Variants in TIAM2 observed in about 807,000 individuals in gnomAD.
TIAM2 encodes the protein rho guanine nucleotide exchange factor TIAM2.
In TIAM2, 80 loss-of-function variants were observed where a neutral mutation model predicts 152.9. The ratio of observed to expected loss-of-function variants is 0.52; its 90% CI spans 0.44 to 0.63. The LOEUF (loss-of-function observed/expected upper bound fraction) is 0.63. Among genes scored for constraint, TIAM2 ranks in the 30% least tolerant of loss-of-function variants. The pLI is 0.00. For synonymous variants in TIAM2, 804 were observed against 838.0 expected, an observed-to-expected ratio of 0.96 and a Z score of 0.70; for missense variants, 1,965 against 2,120.1, an observed-to-expected ratio of 0.93 and a Z score of 1.44.
At chr6:155,211,366 C>A (rs1781713415) in intron 15 of TIAM2, 59 bp downstream of exon 15, 1 of 1,443,844 alleles carries the variant, frequency 6.9e-7, no homozygotes, top group Non-Finnish European at 9.7e-7. Context: ...TAGTTCCCAC[C>A]TTTACCTAAG....
chr6:155,099,686 C>T (rs536975420), intron 2 of TIAM2, among the ~76,000 whole-genome samples: 6 of 152,120 alleles, frequency 3.9e-5, no homozygotes, highest in Non-Finnish European at 7.4e-5. Context: ...GTTTTCTGTT[C>T]ATTTGTTTGT....
intron 16 of TIAM2, among the ~76,000 whole-genome samples, chr6:155,242,338 C>T (rs910604943): frequency 6.6e-6 from 1 of 152,232 alleles, no homozygotes; most frequent in Non-Finnish European, 1.5e-5. Flanking sequence ...ACGTTTAACA[C>T]AGAATCTTGT....
intron 26 of TIAM2, 150 bp from the exon 27 acceptor site, chr6:155,256,334 A>G: frequency 3.5e-6 from 4 of 1,153,442 alleles, no homozygotes; most frequent in South Asian, 1.6e-5. Context: ...CAGTAGCTAC[A>G]TTTTTGCCTA....
intron 10 of TIAM2, among the ~76,000 whole-genome samples, chr6:155,177,395 T>A (rs1338691963): frequency 1.3e-5 from 2 of 152,242 alleles, no homozygotes; most frequent in East Asian, 3.8e-4. Context: ...CTTGATATAT[T>A]CACAGTTGCT....
chr6:155,243,883 T>G, intron 16 of TIAM2, 128 bp from the exon 17 acceptor site: 1 of 331,506 alleles, frequency 3.0e-6, no homozygotes, highest in Non-Finnish European at 5.6e-6. Context: ...AAAAAGAATT[T>G]CAACAAGGCA....
intron 14 of TIAM2, among the ~76,000 whole-genome samples, chr6:155,192,113 G>T (rs528441653): frequency 2.0e-5 from 3 of 152,076 alleles, no homozygotes; most frequent in Non-Finnish European, 4.4e-5. Flanking sequence ...ATGTGATGAG[G>T]GAGGGAGAGA....
chr6:155,028,150 TTACA>T (rs1258202686), intron 1 of TIAM2, among the ~76,000 whole-genome samples: 6 of 109,008 alleles, frequency 5.5e-5, no homozygotes, highest in African/African-American at 2.0e-4. Flanking sequence ...ATATGTACTG[TTACA>T]TATATACTAC....
intron 2 of TIAM2, among the ~76,000 whole-genome samples, chr6:155,114,959 C>G (rs996108075): frequency 3.9e-5 from 6 of 152,202 alleles, no homozygotes; most frequent in Middle Eastern, 3.4e-3. Context: ...TCCCAAGTAG[C>G]TGGGACTACA....
chr6:155,060,051 C>G (rs570479048), intron 1 of TIAM2, among the ~76,000 whole-genome samples: 2 of 152,146 alleles, frequency 1.3e-5, no homozygotes, highest in Admixed American at 6.6e-5. Context: ...CATTAGACTG[C>G]GGCAATTATG....
chr6:155,072,550 A>AG (rs1213402645), intron 1 of TIAM2, among the ~76,000 whole-genome samples: 1 of 152,154 alleles, frequency 6.6e-6, no homozygotes, highest in Non-Finnish European at 1.5e-5. Context: ...ATGCACAGAA[A>AG]GGGGGGCCAG....
chr6:155,234,542 A>T (rs964463603), intron 15 of TIAM2, among the ~76,000 whole-genome samples: 1 of 152,222 alleles, frequency 6.6e-6, no homozygotes, highest in Non-Finnish European at 1.5e-5. Flanking sequence ...AGCTGGGACC[A>T]TAGGCGTGTG....
chr6:155,125,302 TAAG>T (rs1434671939), intron 2 of TIAM2, among the ~76,000 whole-genome samples: 2 of 151,910 alleles, frequency 1.3e-5, no homozygotes, highest in African/African-American at 4.8e-5. Flanking sequence ...TGAACCCTCC[TAAG>T]AAGATATACA....
intron 1 of TIAM2, among the ~76,000 whole-genome samples, chr6:155,001,588 C>A (rs533246446): frequency 2.0e-5 from 3 of 152,366 alleles, no homozygotes; most frequent in Admixed American, 6.5e-5. Context: ...GTTACATGGC[C>A]TGGGCCCTGG....
intron 2 of TIAM2, among the ~76,000 whole-genome samples, chr6:155,119,112 A>T (rs575482788): frequency 6.7e-6 from 1 of 149,620 alleles, no homozygotes; most frequent in East Asian, 2.0e-4. Flanking sequence ...TCGGCTCACT[A>T]CAACCTCCGC....
intron 1 of TIAM2, among the ~76,000 whole-genome samples, chr6:155,044,705 C>T (rs6927512): frequency 0.045 from 6,790 of 152,032 alleles, 389 homozygotes; most frequent in African/African-American, 0.14. Flanking sequence ...ATTCCAGCTA[C>T]TTGGGAGGCT....
chr6:155,240,402 T>G, intron 15 of TIAM2, 128 bp from the exon 16 acceptor site: 3 of 926,924 alleles, frequency 3.2e-6, no homozygotes, highest in Non-Finnish European at 4.6e-6. Flanking sequence ...ATGAAACCCT[T>G]TGCCCTACAC....
At chr6:155,249,232 T>C (rs1205405558) in intron 20 of TIAM2, among the ~76,000 whole-genome samples, 1 of 152,236 alleles carries the variant, frequency 6.6e-6, no homozygotes. Context: ...ATAATGTATC[T>C]CTCATATTCC....
At chr6:155,190,140 C>T (rs533016767) in intron 14 of TIAM2, among the ~76,000 whole-genome samples, 1 of 152,300 alleles carries the variant, frequency 6.6e-6, no homozygotes, top group East Asian at 1.9e-4. Flanking sequence ...ACTACTTCCC[C>T]CTGCCTTCTA....
rs538218338 is a variant in TIAM2, at chr6:155,114,939, T to C, written c.-117-12551T>C. Reference sequence around the variant, plus strand: ...GCCTTCCAGGTTCACGCAATTCTCCTGTCTCAGCCTCCCAAGTAGCTGGGA... The same window carrying C: ...GCCTTCCAGGTTCACGCAATTCTCCCGTCTCAGCCTCCCAAGTAGCTGGGA... On this transcript the variant is annotated intron_variant, in intron 2 of 26. Transcript: ENST00000682666. Among the ~76,000 whole-genome samples the C allele has an allele frequency of 4.7e-4, 72 of 152,250 alleles. 1 individual carries two copies. Among genetic ancestry groups the C allele is most frequent in the South Asian group, 1.0e-3 (5 of 4,818 alleles).
Sources: gnomAD v4.1 joint callset for allele counts (sites outside exome capture counted in the v4.1 genomes callset) on GRCh38, gnomAD v4.1.1 for gene constraint, MANE v1.5 for transcripts, NCBI Gene and HGNC (gene_info 2026-07-23, HGNC 2026-07-21) for gene names.